Variants in AHCTF1 observed in about 807,000 individuals in gnomAD.
The protein encoded by AHCTF1 is protein ELYS.
Under a neutral mutation model 248.4 loss-of-function variants are expected in AHCTF1, and 24 were observed. The ratio of observed to expected loss-of-function variants is 0.10; its 90% CI spans 0.07 to 0.14. AHCTF1 has a LOEUF of 0.14. AHCTF1 is among the 10% of genes least tolerant of loss of function. The pLI is 1.00. For missense variants in AHCTF1, 2,206 were observed against 2,636.2 expected (o/e 0.84, Z 3.57); for synonymous variants, 786 against 929.8 (o/e 0.85, Z 2.81).
rs1666139363 is a variant in AHCTF1 at position 246,916,295 on chromosome 1, A to G, written c.222T>C (p.Asn74=). The G allele has an allele frequency of 1.9e-6, 3 of 1,610,176 alleles. No individual in the cohort carries two copies. The highest frequency in any genetic ancestry group is 2.5e-6 in the Non-Finnish European group (3 of 1,176,862). ...RLSAYRFSGV[N]EQPPVVLAVK... ...CAGCTAAAACTACAGGAGGCTGTTC[A>G]TTGACTCCACTGAATCTGTAAGCAG... The change falls in exon 3 of 36, where the codon AAT becomes AAC. Residue 74 remains asparagine, a synonymous_variant. Coordinates refer to ENST00000648844, the MANE Select transcript of AHCTF1 (RefSeq NM_001323342.2).
chr1:246,864,231 G>T, intron 26 of AHCTF1, 115 bp from the exon 27 acceptor site: 1 of 1,035,488 alleles, frequency 9.7e-7, no homozygotes. Flanking sequence ...TGCAAATACA[G>T]TCAAGTATAT....
chr1:246,869,706 T>G, intron 24 of AHCTF1, among the ~76,000 whole-genome samples: 1 of 151,212 alleles, frequency 6.6e-6, no homozygotes, highest in East Asian at 1.9e-4. Flanking sequence ...TGTTGAGAAC[T>G]GTTCAGAAAA....
At chr1:246,895,551 G>A (rs928471121) in intron 13 of AHCTF1, among the ~76,000 whole-genome samples, 1 of 152,068 alleles carries the variant, frequency 6.6e-6, no homozygotes, top group Non-Finnish European at 1.5e-5. Flanking sequence ...TGTTTAAAAT[G>A]ACAAAATTCT....
At chr1:246,904,447 T>C (rs1231797839) in intron 6 of AHCTF1, among the ~76,000 whole-genome samples, 1 of 152,162 alleles carries the variant, frequency 6.6e-6, no homozygotes, top group Non-Finnish European at 1.5e-5. Flanking sequence ...AATTATCCCA[T>C]AGTAACCTCA....
At chr1:246,919,759 G>C (rs149944020) in intron 1 of AHCTF1, among the ~76,000 whole-genome samples, 1 of 151,024 alleles carries the variant, frequency 6.6e-6, no homozygotes, top group South Asian at 2.1e-4. Flanking sequence ...TTTCAGGTTC[G>C]TTGCTCCAAG....
Position 246,862,029 on chromosome 1 carries a change from G to A in AHCTF1, c.3665C>T (p.Ser1222Phe). ...LASPSPSPGR[S>F]PQRLKETRIS... ...TCTAGTTTCTTTAAGTCGTTGAGGAGACCTTCCAGGTGATGGAGAGGGAGA... is the reference window on the plus strand; with the variant it reads ...TCTAGTTTCTTTAAGTCGTTGAGGAAACCTTCCAGGTGATGGAGAGGGAGA... The change falls in exon 28 of 36, where the codon TCT (serine) becomes TTT (phenylalanine). Residue 1222 changes from serine to phenylalanine, a missense_variant. Physicochemically the swap from Ser to Phe is radical, Grantham distance 155. Around this residue, in one of 6 missense-constraint regions of AHCTF1, gnomAD observed 955 missense variants for 1,055.6 expected, o/e 0.90. Transcript: ENST00000648844. 3 of 1,613,472 alleles carry A rather than the reference G, an allele frequency of 1.9e-6. No individual in the cohort carries two copies. Among genetic ancestry groups the A allele is most frequent in the Non-Finnish European group, 2.5e-6 (3 of 1,179,426 alleles).
intron 8 of AHCTF1, among the ~76,000 whole-genome samples, chr1:246,901,497 G>A (rs543721576): frequency 6.7e-4 from 102 of 152,256 alleles, no homozygotes; most frequent in Non-Finnish European, 1.2e-3. Context: ...GGTGGCGGGT[G>A]CTTGTAGCCC....
chr1:246,899,437 T>G lies in AHCTF1; in HGVS notation c.1494+14A>C. ...GACTTCAGTTCAATTAAGAAATCAC[T>G]AGTTGTTACCTACCTCCTTCTGAAA... On this transcript the variant is annotated intron_variant, in intron 11 of 35. Coordinates refer to ENST00000648844, the MANE Select transcript of AHCTF1 (RefSeq NM_001323342.2). 6.3e-7 allele frequency: 1 copy of G among 1,591,586 alleles called. No individual in the cohort carries two copies. The highest frequency in any genetic ancestry group is 1.1e-5 in the South Asian group (1 of 88,238).
rs533747523 is a variant in AHCTF1, at chr1:246,877,066, A to C, written c.2821T>G (p.Phe941Val). 3.1e-6 allele frequency: 5 copies of C among 1,612,220 alleles called. No homozygotes were observed. The Admixed American group carries it at 8.3e-5, about 27-fold the overall frequency. Residue 941 changes from phenylalanine (F) to valine (V), a missense_variant, in exon 23 of 36, where the codon TTT becomes GTT. Around this residue, in one of 6 missense-constraint regions of AHCTF1, gnomAD observed 955 missense variants for 1,055.6 expected, o/e 0.90. Transcript: ENST00000648844. ...TDTEQECLVKFLQSSASVQNH... is the reference protein window; with the variant it reads ...TDTEQECLVKVLQSSASVQNH... ...TGAACGCTGGCACTGGACTGCAAAA[A>C]TTTCACTAAACATTCCTAAAAAGAA...
intron 33 of AHCTF1, among the ~76,000 whole-genome samples, chr1:246,847,316 A>C (rs1158066336): frequency 2.0e-5 from 3 of 151,356 alleles, no homozygotes; most frequent in East Asian, 3.9e-4. Flanking sequence ...CAAAAAAAAA[A>C]CTGAAAATGC....
rs1300120366 is a variant in AHCTF1 at position 246,864,834 on chromosome 1, G to A, written c.3348-718C>T. On this transcript the variant is annotated intron_variant, in intron 26 of 35. Coordinates refer to ENST00000648844, the MANE Select transcript of AHCTF1 (RefSeq NM_001323342.2). ...CGCAGTCCGACCTGGGCGACAGAGCGAGACTCCGTCTCAAAAAAAAAAAAA... is the reference window on the plus strand; with the variant it reads ...CGCAGTCCGACCTGGGCGACAGAGCAAGACTCCGTCTCAAAAAAAAAAAAA... 5.9e-4 allele frequency among the ~76,000 whole-genome samples: 8 copies of A among 13,672 alleles called. 2 individuals carry two copies. The highest frequency in any genetic ancestry group is 1.9e-4 in the Non-Finnish European group (2 of 10,728). The allele number at this position is 13,672 out of a possible 152,430, so 9.0% of individuals were successfully genotyped here.
rs768604412 is a variant in AHCTF1 at position 246,857,707 on chromosome 1, G to C, written c.4240C>G (p.Pro1414Ala). ...VQGTEASLCAPSVYEGKIFTQ... is the reference protein window; with the variant it reads ...VQGTEASLCAASVYEGKIFTQ... The stretch of plus-strand genomic sequence containing the variant: ...TTAACTTACCCTTCATAGACTGATG[G>C]TGCACAAAGAGAAGCTTCAGTTCCT... The change falls in exon 30 of 36, where the codon CCA (proline) becomes GCA (alanine). Residue 1414 changes from proline (P) to alanine (A), a missense_variant. Transcript: ENST00000648844. 2.5e-6 allele frequency: 4 copies of C among 1,612,846 alleles called. No homozygotes were observed. In the South Asian group the frequency reaches 3.3e-5, roughly 13 times the overall value.
intron 33 of AHCTF1, among the ~76,000 whole-genome samples, chr1:246,848,588 G>A (rs187865569): frequency 1.3e-5 from 2 of 152,036 alleles, no homozygotes; most frequent in Non-Finnish European, 2.9e-5. Context: ...CTACATGGCT[G>A]GGTGTGGTGG....
At chr1:246,926,940 T>C (rs564455937) in intron 1 of AHCTF1, among the ~76,000 whole-genome samples, 126 of 151,398 alleles carry the variant, frequency 8.3e-4, no homozygotes, top group East Asian at 2.1e-3. Flanking sequence ...TTTGGGAGGC[T>C]AAGGCGGGCG....
chr1:246,922,350 A>T (rs1436946612), intron 1 of AHCTF1, among the ~76,000 whole-genome samples: 1 of 151,936 alleles, frequency 6.6e-6, no homozygotes, highest in Non-Finnish European at 1.5e-5. Flanking sequence ...ACAGAGCAAG[A>T]CTCTGTCTCA....
chr1:246,916,615 C>T (rs1262307254), intron 2 of AHCTF1, among the ~76,000 whole-genome samples: 1 of 152,154 alleles, frequency 6.6e-6, no homozygotes, highest in East Asian at 1.9e-4. Context: ...GATCATGCCA[C>T]TGCACTCCAG....
intron 24 of AHCTF1, among the ~76,000 whole-genome samples, chr1:246,870,351 A>G (rs1662499138): frequency 6.6e-6 from 1 of 152,204 alleles, no homozygotes; most frequent in South Asian, 2.1e-4. Flanking sequence ...TGAGCTCAGA[A>G]GGTCAAGGCT....
In AHCTF1 at chr1:246,887,247, A is replaced by C; in HGVS notation, c.2436T>G (p.Ile812Met). ...TATGATCTATCAACCAAAACCCCTG[A>C]ATAAGTTTAACTTGGCCCCAAGAAA... ...FAISWGQVKL[I>M]QGFWLIDHND... The change falls in exon 20 of 36, where the codon ATT becomes ATG. Residue 812 changes from isoleucine (I) to methionine (M), a missense_variant. By Grantham distance (10) the Ile-to-Met change is conservative. Around this residue, in one of 6 missense-constraint regions of AHCTF1, gnomAD observed 650 missense variants for 870.8 expected, o/e 0.75. Coordinates refer to ENST00000648844, the MANE Select transcript of AHCTF1 (RefSeq NM_001323342.2). 1 of 1,613,596 alleles carries C rather than the reference A, an allele frequency of 6.2e-7. No homozygotes were observed. Among genetic ancestry groups the C allele is most frequent in the Non-Finnish European group, 8.5e-7 (1 of 1,179,762 alleles).
chr1:246,896,571 T>G (rs1572431263), intron 12 of AHCTF1, among the ~76,000 whole-genome samples: 1 of 152,024 alleles, frequency 6.6e-6, no homozygotes, highest in Non-Finnish European at 1.5e-5. Flanking sequence ...GGCAGGAAGG[T>G]AAGGGAAAAG....
Sources: gnomAD v4.1 joint callset for allele counts (sites outside exome capture counted in the v4.1 genomes callset) on GRCh38, gnomAD v4.1.1 for gene constraint, gnomAD v4.1.1 regional missense constraint, MANE v1.5 for transcripts, NCBI Gene and HGNC (gene_info 2026-07-23, HGNC 2026-07-21) for gene names.